NLRP14: variants seen among roughly 807,000 people sequenced by gnomAD.
NLRP14 encodes the protein NLR family pyrin domain containing 14.
Under a neutral mutation model 94.7 loss-of-function variants are expected in NLRP14, and 105 were observed. That is an observed-to-expected ratio of 1.11 (90% CI 0.95 to 1.30). The LOEUF (loss-of-function observed/expected upper bound fraction) is 1.30. Ranked by LOEUF, NLRP14 falls within the 50% of genes most tolerant of loss-of-function variation. The pLI is 0.00. For missense variants in NLRP14, 1,362 were observed against 1,254.1 expected (o/e 1.09, Z -1.30); for synonymous variants, 508 against 459.9 (o/e 1.10, Z -1.34).
intron 5 of NLRP14, among the ~76,000 whole-genome samples, chr11:7,048,601 C>A (rs184233122): frequency 1.4e-4 from 22 of 152,260 alleles, no homozygotes; most frequent in African/African-American, 5.3e-4. Context: ...TTTCAAGCAT[C>A]TAGAGTAGGC....
intron 10 of NLRP14, 87 bp downstream of exon 10, chr11:7,062,590 A>C: frequency 3.4e-6 from 4 of 1,174,824 alleles, no homozygotes; most frequent in South Asian, 1.2e-5. Flanking sequence ...AGAGAGGATA[A>C]AAACTAAATG....
At chr11:7,023,275 AATCTT>A in intron 1 of NLRP14, among the ~76,000 whole-genome samples, 1 of 148,152 alleles carries the variant, frequency 6.7e-6, no homozygotes, top group South Asian at 2.1e-4. Context: ...ATATATATAA[AATCTT>A]AAAATAGGTA....
intron 10 of NLRP14, among the ~76,000 whole-genome samples, chr11:7,064,113 T>C (rs936622372): frequency 6.6e-6 from 1 of 152,126 alleles, no homozygotes; most frequent in Non-Finnish European, 1.5e-5. Context: ...GTCTCACTGG[T>C]AGTTGTAGCT....
the NLRP14 span, chr11:7,089,353 C>T: frequency 8.7e-6 from 14 of 1,606,868 alleles, no homozygotes; most frequent in Non-Finnish European, 1.2e-5. Context: ...GATGGTAAGG[C>T]CATCAAGGTG....
At chr11:7,052,938 A>T (rs910083877) in intron 6 of NLRP14, among the ~76,000 whole-genome samples, 2 of 152,216 alleles carry the variant, frequency 1.3e-5, no homozygotes, top group African/African-American at 4.8e-5. Flanking sequence ...CTAAACTACC[A>T]GTCCTCTTCT....
At position 7,033,368 on chromosome 11, in the gene NLRP14, A is replaced by C. The variant is rs543324933; in HGVS notation, c.-21-5198A>C. ...TTTAGAATTACAGAAATTTCTTGTC[A>C]CCCAATTTCCCCAATTTTTAATATC... is the stretch of plus-strand genomic sequence containing the variant. On this transcript the variant is annotated intron_variant, in intron 1 of 11. Transcript: ENST00000299481. 2.6e-4 allele frequency among the ~76,000 whole-genome samples: 40 copies of C among 152,326 alleles called. 1 individual carries two copies. The highest frequency in any genetic ancestry group is 8.9e-4 in the African/African-American group (37 of 41,574).
rs1852315333 is a variant in NLRP14, at chr11:7,044,111, A to T, written c.1958+127A>T. 8.8e-6 allele frequency: 8 copies of T among 913,092 alleles called. No homozygotes were observed. In the South Asian group the frequency reaches 1.2e-4, roughly 13 times the overall value. The allele number at this position is 913,092 out of a possible 1,614,324, so 56.6% of individuals were successfully genotyped here. A position where few individuals can be genotyped will look rare whatever the true frequency, so the allele number is the denominator to read the frequency against. Reference sequence around the variant, plus strand: ...AACCCTCTGGAGTTGTCCCATCTTGAGGCAGGGAGGCTAAGCATTTAAACC... The same window carrying T: ...AACCCTCTGGAGTTGTCCCATCTTGTGGCAGGGAGGCTAAGCATTTAAACC... On this transcript the variant is annotated intron_variant, in intron 4 of 11. Transcript: ENST00000299481.
intron 10 of NLRP14, among the ~76,000 whole-genome samples, chr11:7,063,800 A>C (rs1275517344): frequency 1.3e-5 from 2 of 152,120 alleles, no homozygotes; most frequent in African/African-American, 4.8e-5. Context: ...GATTTCAAAC[A>C]TTCCCACAGG....
the NLRP14 span, among the ~76,000 whole-genome samples, chr11:7,078,806 A>C: frequency 7.2e-5 from 11 of 152,104 alleles, no homozygotes; most frequent in Non-Finnish European, 1.5e-4. Flanking sequence ...AAATTGATTA[A>C]ATCTTTTAAA....
downstream of NLRP14, among the ~76,000 whole-genome samples, chr11:7,073,634 C>T (rs542790627): frequency 1.2e-4 from 18 of 152,318 alleles, no homozygotes; most frequent in East Asian, 3.5e-3. Flanking sequence ...CCACAACTCT[C>T]TTTTCCCTGG....
chr11:7,043,265 A>G lies in NLRP14; in HGVS notation c.1239A>G (p.Gly413=). The change falls in exon 4 of 12, where the codon GGA becomes GGG. Residue 413 remains glycine, a synonymous_variant. Coordinates refer to ENST00000299481, the MANE Select transcript of NLRP14 (RefSeq NM_176822.4). ...CTAGCTTGTTCACACCAGTAGATGG[A>G]GGCTCTCCTAGTCTACCCAACCAAG... The part of the protein sequence containing the change: ...YISSLFTPVD[G]GSPSLPNQAQ... The G allele has an allele frequency of 6.2e-7, 1 of 1,614,168 alleles. No individual in the cohort carries two copies. Among genetic ancestry groups the G allele is most frequent in the South Asian group, 1.1e-5 (1 of 91,082 alleles).
chr11:7,070,491 C>T (rs754668960), intron 11 of NLRP14, 35 bp downstream of exon 11: 3 of 1,520,308 alleles, frequency 2.0e-6, no homozygotes, highest in Non-Finnish European at 2.7e-6. Context: ...GGGAGCATTT[C>T]CTATAATGAG....
intron 4 of NLRP14, among the ~76,000 whole-genome samples, chr11:7,044,336 T>C (rs527307704): frequency 1.3e-5 from 2 of 152,256 alleles, no homozygotes; most frequent in South Asian, 4.1e-4. Context: ...TCCATGATAA[T>C]AAGTATATTT....
At chr11:7,066,178 T>A (rs938356586) in intron 10 of NLRP14, among the ~76,000 whole-genome samples, 2 of 152,216 alleles carry the variant, frequency 1.3e-5, no homozygotes, top group Admixed American at 6.5e-5. Flanking sequence ...TACATGTGCA[T>A]GTGTCTTTAT....
chr11:7,038,974 A>G, intron 2 of NLRP14, 99 bp downstream of exon 2: 1 of 1,138,880 alleles, frequency 8.8e-7, no homozygotes. Flanking sequence ...GGATTAAACC[A>G]TGTTGGGGGA....
chr11:7,057,968 A>G, intron 7 of NLRP14, 121 bp downstream of exon 7: 1 of 826,988 alleles, frequency 1.2e-6, no homozygotes, highest in Non-Finnish European at 2.1e-6. Context: ...TCAATTCTGA[A>G]TAAGCTCTAC....
At chr11:7,089,699 A>C in the NLRP14 span, 2 of 1,502,640 alleles carry the variant, frequency 1.3e-6, no homozygotes, top group Non-Finnish European at 1.8e-6. Flanking sequence ...ACTCAGGCCC[A>C]CCGCGCCGGG....
At chr11:7,032,995 G>A (rs1212145682) in intron 1 of NLRP14, among the ~76,000 whole-genome samples, 1 of 152,110 alleles carries the variant, frequency 6.6e-6, no homozygotes, top group Non-Finnish European at 1.5e-5. Flanking sequence ...AGAGGTATTA[G>A]GAAATGGACT....
Position 7,031,446 on chromosome 11 carries a change from C to G in NLRP14, c.-21-7120C>G, listed in dbSNP as rs139548034. Among the ~76,000 whole-genome samples, 456 of 152,254 alleles carry G rather than the reference C, an allele frequency of 3.0e-3. 1 individual carries two copies. Among genetic ancestry groups the G allele is most frequent in the African/African-American group, 0.01 (431 of 41,552 alleles). On this transcript the variant is annotated intron_variant, in intron 1 of 11. Transcript: ENST00000299481. ...GGGTGGAAAAGCGACCTTGAGGGTGCGAGTCCACGGTCACCTGCAAGTAGT... is the reference window on the plus strand; with the variant it reads ...GGGTGGAAAAGCGACCTTGAGGGTGGGAGTCCACGGTCACCTGCAAGTAGT...
Sources: allele counts gnomAD v4.1 joint callset (sites outside exome capture counted in the v4.1 genomes callset), GRCh38; gene constraint gnomAD v4.1.1; transcripts MANE v1.5; gene names NCBI Gene and HGNC (gene_info 2026-07-23, HGNC 2026-07-21).